Variants in RAPGEF4 observed in about 807,000 individuals in gnomAD.
RAPGEF4 encodes RAP guanine-nucleotide-exchange factor (GEF) 4.
RAPGEF4 carries 66 observed loss-of-function variants against 147.9 expected under a neutral mutation model. The observed-to-expected ratio is 0.45, with a 90% CI of 0.37 to 0.55. The LOEUF is 0.55. Among genes scored for constraint, RAPGEF4 ranks in the 20% least tolerant of loss-of-function variants. The pLI is 0.00. For synonymous variants in RAPGEF4, 419 were observed against 442.7 expected (o/e 0.95, Z 0.67); for missense variants, 1,071 against 1,257.3 (o/e 0.85, Z 2.24).
rs183553635 is a variant in RAPGEF4, at chr2:172,838,528, C to T, written c.444+24103C>T. On this transcript the variant is annotated intron_variant, in intron 4 of 30. Transcript: ENST00000397081. Reference sequence around the variant, plus strand: ...AGCAGCTTTGAGGAAATCTCATGCACGGTAGAAAGTTAATATCTCAAATAA... The same window carrying T: ...AGCAGCTTTGAGGAAATCTCATGCATGGTAGAAAGTTAATATCTCAAATAA... Among the ~76,000 whole-genome samples the T allele has an allele frequency of 3.3e-5, 5 of 152,226 alleles. No homozygotes were observed. The East Asian group carries it at 5.8e-4, about 18-fold the overall frequency.
At chr2:172,737,724 C>T (rs1425241793) in intron 1 of RAPGEF4, among the ~76,000 whole-genome samples, 5 of 151,548 alleles carry the variant, frequency 3.3e-5, no homozygotes, top group African/African-American at 1.2e-4. Context: ...AAAAAAAACC[C>T]TTCACAGATA....
chr2:172,942,232 A>G (rs1484385710), intron 6 of RAPGEF4, among the ~76,000 whole-genome samples: 1 of 149,486 alleles, frequency 6.7e-6, no homozygotes, highest in East Asian at 2.1e-4. Flanking sequence ...CAAAAACTGC[A>G]ATTACTTTTG....
Position 172,996,385 on chromosome 2 carries a change from A to C in RAPGEF4, c.1491-81A>C, listed in dbSNP as rs1693365304. 3 of 790,480 alleles carry C rather than the reference A, an allele frequency of 3.8e-6. No individual in the cohort carries two copies. The African/African-American group carries it at 5.5e-5, about 14-fold the overall frequency. 49.0% of individuals were successfully genotyped at this position (790,480 alleles called of 1,614,324 possible). A position where few individuals can be genotyped will look rare whatever the true frequency, so the allele number is the denominator to read the frequency against. On this transcript the variant is annotated intron_variant, in intron 15 of 30. Transcript: ENST00000397081. ...TCCCTGGGATCTCAAATTAAAAAAA[A>C]AAAAAACTTAGATAAGTAAAAGTTT...
chr2:172,995,340 T>C (rs12693015), intron 15 of RAPGEF4, among the ~76,000 whole-genome samples: 100,084 of 150,662 alleles, frequency 0.66, 33,423 homozygotes, highest in East Asian at 0.89. Flanking sequence ...AGTGCAGTGG[T>C]GTGATCTCCG....
intron 5 of RAPGEF4, among the ~76,000 whole-genome samples, chr2:172,918,296 G>A (rs1168678874): frequency 1.5e-4 from 22 of 143,942 alleles, no homozygotes; most frequent in Non-Finnish European, 2.6e-4. Flanking sequence ...GGAGAAGTGG[G>A]GTGAGTCATT....
At chr2:172,794,822 A>T (rs1160626946) in intron 1 of RAPGEF4, among the ~76,000 whole-genome samples, 1 of 152,194 alleles carries the variant, frequency 6.6e-6, no homozygotes, top group African/African-American at 2.4e-5. Flanking sequence ...AATAGTAGTG[A>T]TTTAAGGCGA....
intron 6 of RAPGEF4, among the ~76,000 whole-genome samples, chr2:172,934,798 C>CAAG (rs1455265981): frequency 6.6e-6 from 1 of 151,900 alleles, no homozygotes; most frequent in Admixed American, 6.6e-5. Flanking sequence ...TCTCCCTCTT[C>CAAG]ACAAGGCTAC....
intron 1 of RAPGEF4, among the ~76,000 whole-genome samples, chr2:172,761,487 C>T (rs1378924863): frequency 2.0e-5 from 3 of 152,038 alleles, no homozygotes; most frequent in Non-Finnish European, 4.4e-5. Flanking sequence ...GAATTGTCAA[C>T]CCAGAATTCT....
intron 4 of RAPGEF4, among the ~76,000 whole-genome samples, chr2:172,915,109 C>T (rs186983779): frequency 3.7e-4 from 56 of 152,230 alleles, no homozygotes; most frequent in African/African-American, 1.3e-3. Flanking sequence ...TTAAAAAGTG[C>T]CCCATCAATT....
intron 4 of RAPGEF4, among the ~76,000 whole-genome samples, chr2:172,874,860 C>T (rs1018219438): frequency 1.3e-5 from 2 of 152,190 alleles, no homozygotes; most frequent in Admixed American, 1.3e-4. Flanking sequence ...TACAGTCCCA[C>T]CAACAGTGTA....
At chr2:172,813,376 C>A (rs996499160) in intron 3 of RAPGEF4, among the ~76,000 whole-genome samples, 2 of 152,174 alleles carry the variant, frequency 1.3e-5, no homozygotes, top group African/African-American at 4.8e-5. Flanking sequence ...GTGTTGCATG[C>A]AGAGAGGAAA....
intron 12 of RAPGEF4, among the ~76,000 whole-genome samples, chr2:172,986,119 C>T (rs2105695037): frequency 6.6e-6 from 1 of 152,306 alleles, no homozygotes; most frequent in South Asian, 2.1e-4. Flanking sequence ...CTTACTACTC[C>T]TACAAAAATC....
At chr2:172,802,438 G>T (rs62168126) in intron 3 of RAPGEF4, among the ~76,000 whole-genome samples, 50,476 of 151,976 alleles carry the variant, frequency 0.33, 8,909 homozygotes, top group Middle Eastern at 0.46. Context: ...TCTTTAAAAC[G>T]GTCAGATCTT....
chr2:172,948,282 A>G (rs1186008411), intron 6 of RAPGEF4, among the ~76,000 whole-genome samples: 1 of 152,200 alleles, frequency 6.6e-6, no homozygotes, highest in East Asian at 1.9e-4. Context: ...CTGAGGTGTT[A>G]GGAATGTGCT....
chr2:172,994,179 T>C (rs1361355781), intron 15 of RAPGEF4, among the ~76,000 whole-genome samples: 1 of 152,184 alleles, frequency 6.6e-6, no homozygotes, highest in African/African-American at 2.4e-5. Flanking sequence ...AACAGACTGG[T>C]TTTCCCCCCA....
At chr2:172,735,770 C>T (rs945880762), upstream of RAPGEF4, 5 of 205,718 alleles carry the variant, frequency 2.4e-5, no homozygotes, top group Non-Finnish European at 4.7e-5. Context: ...TCGGCCCTCC[C>T]CGCACCCGCG....
chr2:172,847,739 A>G (rs1575027293), intron 4 of RAPGEF4, among the ~76,000 whole-genome samples: 1 of 152,330 alleles, frequency 6.6e-6, no homozygotes, highest in East Asian at 1.9e-4. Context: ...GACGTAGTTT[A>G]GTTCCAGGGA....
chr2:172,817,236 C>T (rs964035955), intron 4 of RAPGEF4, among the ~76,000 whole-genome samples: 9 of 152,020 alleles, frequency 5.9e-5, no homozygotes, highest in African/African-American at 1.4e-4. Flanking sequence ...GCTTCTATTC[C>T]GCTCAGAGGA....
chr2:172,741,633 A>G (rs762250070), intron 1 of RAPGEF4, among the ~76,000 whole-genome samples: 1 of 152,240 alleles, frequency 6.6e-6, no homozygotes, highest in Non-Finnish European at 1.5e-5. Context: ...AAATCAAAAT[A>G]TACAAAAAGA....
Sources: gnomAD v4.1 joint callset for allele counts (sites outside exome capture counted in the v4.1 genomes callset) on GRCh38, gnomAD v4.1.1 for gene constraint, MANE v1.5 for transcripts, NCBI Gene and HGNC (gene_info 2026-07-23, HGNC 2026-07-21) for gene names.